RUVBL2: variants seen among roughly 807,000 people sequenced by gnomAD.
RUVBL2 encodes the protein RuvB like AAA ATPase 2, also known as ruvB-like 2.
RUVBL2 carries 9 observed loss-of-function variants against 57.9 expected under a neutral mutation model. That is an observed-to-expected ratio of 0.16 (90% CI 0.09 to 0.27). The LOEUF (loss-of-function observed/expected upper bound fraction) is 0.27, where lower values mean the gene tolerates loss of function less well. Among genes scored for constraint, RUVBL2 ranks in the 10% least tolerant of loss-of-function variants. The pLI is 1.00. For synonymous variants in RUVBL2, 278 were observed against 264.6 expected (o/e 1.05, Z -0.49); for missense variants, 456 against 669.6 (o/e 0.68, Z 3.52).
In RUVBL2 at chr19:49,015,559, C is replaced by T; in HGVS notation, c.1252-13C>T. On this transcript the variant is annotated splice_polypyrimidine_tract_variant and intron_variant, in intron 13 of 14. Coordinates refer to ENST00000595090, the MANE Select transcript of RUVBL2 (RefSeq NM_006666.3). ...GAGAGGGGCCCAACTGAGGACTCGC[C>T]CTCCCCCTCCAGGGTACAGAAGTGC... 2 of 1,602,800 alleles carry T rather than the reference C, an allele frequency of 1.2e-6. No homozygotes were observed. The highest frequency in any genetic ancestry group is 8.5e-7 in the Non-Finnish European group (1 of 1,169,956).
rs1184849160 is a variant in RUVBL2, at chr19:49,007,338, G to A, written c.432G>A (p.Glu144=). 2 of 1,614,078 alleles carry A rather than the reference G, an allele frequency of 1.2e-6. No homozygotes were observed. Among genetic ancestry groups the A allele is most frequent in the African/African-American group, 1.3e-5 (1 of 75,068 alleles). The change falls in exon 6 of 15, where the codon GAG becomes GAA. Residue 144 remains glutamate, a synonymous_variant. Coordinates refer to ENST00000595090, the MANE Select transcript of RUVBL2 (RefSeq NM_006666.3). ...ETEIIEGEVV[E]IQIDRPATGT... ...AGATCATCGAAGGGGAGGTGGTGGA[G>A]ATCCAGATTGATCGACCAGCAACAG...
At chr19:48,996,502 C>CTGTGTGTG (rs72341497) in intron 1 of RUVBL2, among the ~76,000 whole-genome samples, 4,572 of 138,184 alleles carry the variant, frequency 0.033, 207 homozygotes, top group African/African-American at 0.11. Flanking sequence ...ATTTTTGTAT[C>CTGTGTGTG]TGTGTGTGTG....
At chr19:48,993,730 C>A (rs1371868530), upstream of RUVBL2, 3 of 731,992 alleles carry the variant, frequency 4.1e-6, no homozygotes, top group Non-Finnish European at 4.6e-6. Flanking sequence ...TCCGGACGCC[C>A]GTCTTCCAGC....
chr19:49,006,883 G>A (rs539420139), intron 4 of RUVBL2, 135 bp from the exon 5 acceptor site: 10 of 1,180,724 alleles, frequency 8.5e-6, no homozygotes, highest in East Asian at 4.9e-5. Flanking sequence ...TGCTCAGCTC[G>A]GAGCCAAGTC....
In RUVBL2 at chr19:49,007,302, G is replaced by C. The variant is rs1294164606; in HGVS notation, c.396G>C (p.Lys132Asn). ...CTCCTCAGATCTGCTCTCTGGCTAG[G>C]GAGGAGACGGAGATCATCGAAGGGG... ...AFRRSIGVRI[K>N]EETEIIEGEV... Residue 132 changes from lysine (K) to asparagine (N), a missense_variant and splice_region_variant, in exon 6 of 15, where the codon AAG (lysine) becomes AAC (asparagine). Transcript: ENST00000595090. The C allele has an allele frequency of 6.2e-7, 1 of 1,613,736 alleles. No individual in the cohort carries two copies. The highest frequency in any genetic ancestry group is 8.5e-7 in the Non-Finnish European group (1 of 1,179,908).
rs569650005 is a variant in RUVBL2, at chr19:49,012,000, G to A, written c.1001+690G>A. Among the ~76,000 whole-genome samples the A allele has an allele frequency of 2.6e-4, 39 of 152,250 alleles. No homozygotes were observed. Among genetic ancestry groups the A allele is most frequent in the African/African-American group, 8.4e-4 (35 of 41,552 alleles). Reference sequence around the variant, plus strand: ...GCCCGCTGGCTGTCTTCTCCACCTCGCCACATTTTGGCCCGCAGGAAGCAG... The same window carrying A: ...GCCCGCTGGCTGTCTTCTCCACCTCACCACATTTTGGCCCGCAGGAAGCAG... On this transcript the variant is annotated intron_variant, in intron 11 of 14. Coordinates refer to ENST00000595090, the MANE Select transcript of RUVBL2 (RefSeq NM_006666.3). This position sits in a 1 kb window ranked among gnomAD's most constrained non-coding sequence, Gnocchi z 4.4.
chr19:49,008,750 G>C (rs924221063), intron 6 of RUVBL2, among the ~76,000 whole-genome samples: 4 of 151,952 alleles, frequency 2.6e-5, no homozygotes, highest in African/African-American at 9.7e-5. Context: ...GGCCGAGGCG[G>C]GTGGATCACC....
chr19:48,999,069 A>G (rs544126584), intron 1 of RUVBL2, among the ~76,000 whole-genome samples: 2 of 152,218 alleles, frequency 1.3e-5, no homozygotes, highest in South Asian at 4.1e-4. Flanking sequence ...TCATTCACCA[A>G]ATAACCAAAT....
At chr19:49,003,182 C>T (rs1375033485) in intron 2 of RUVBL2, 97 bp from the exon 3 acceptor site, 24 of 953,018 alleles carry the variant, frequency 2.5e-5, no homozygotes, top group Non-Finnish European at 4.0e-5. Context: ...TCCCACCCAC[C>T]CCTTTGACAA....
At position 49,010,483 on chromosome 19, in the gene RUVBL2, C is replaced by CCCCCACCAAA; in HGVS notation, c.664-5_664-4insCCCCACCAAA. On this transcript the variant is annotated splice_polypyrimidine_tract_variant and splice_region_variant and intron_variant, in intron 8 of 14. Transcript: ENST00000595090. ...CGCCGTTCTTCCCCCACCCCCGCCCCATAGACCAAGTTCGTGCAGTGCCCA... is the reference window on the plus strand; with the variant it reads ...CGCCGTTCTTCCCCCACCCCCGCCCCCCCCACCAAAATAGACCAAGTTCGTGCAGTGCCCA... 6.3e-7 allele frequency: 1 copy of CCCCCACCAAA among 1,575,998 alleles called. No homozygotes were observed. Among genetic ancestry groups the CCCCCACCAAA allele is most frequent in the Non-Finnish European group, 8.7e-7 (1 of 1,148,124 alleles).
chr19:48,993,558 A>C (rs2038987350), upstream of RUVBL2: 3 of 460,558 alleles, frequency 6.5e-6, no homozygotes, highest in Non-Finnish European at 1.2e-5. Flanking sequence ...GAGGCCTCAA[A>C]GTGGGGAGGA....
Position 49,015,000 on chromosome 19 carries a change from CCT to C in RUVBL2, c.1122-20_1122-19del, listed in dbSNP as rs764322033. 35 of 1,583,060 alleles carry C rather than the reference CCT, an allele frequency of 2.2e-5. No homozygotes were observed. Among genetic ancestry groups the C allele is most frequent in the East Asian group, 4.7e-5 (2 of 42,704 alleles). ...GAGGCTGGGCCCCGGCTGAGCCACC[CCT>C]GTCCCCCACTGCTTGCAGGTGCGAG... On this transcript the variant is annotated intron_variant, in intron 12 of 14. Coordinates refer to ENST00000595090, the MANE Select transcript of RUVBL2 (RefSeq NM_006666.3).
At chr19:49,008,153 G>A (rs1311429424) in intron 6 of RUVBL2, among the ~76,000 whole-genome samples, 1 of 150,888 alleles carries the variant, frequency 6.6e-6, no homozygotes, top group Non-Finnish European at 1.5e-5. Context: ...AATTTTGCGA[G>A]ACCTCGGGCC....
intron 8 of RUVBL2, 21 bp from the exon 9 acceptor site, chr19:49,010,467 T>TTGG: frequency 1.4e-6 from 2 of 1,401,208 alleles, no homozygotes; most frequent in Non-Finnish European, 2.0e-6. Context: ...CCGCCGTTCT[T>TTGG]CCCCCACCCC....
At chr19:49,010,900 C>A in intron 9 of RUVBL2, 99 bp from the exon 10 acceptor site, 1 of 1,108,182 alleles carries the variant, frequency 9.0e-7, no homozygotes, top group South Asian at 1.4e-5. Flanking sequence ...TGCTCCCCTT[C>A]CTCCATCCCT....
intron 4 of RUVBL2, among the ~76,000 whole-genome samples, chr19:49,004,643 C>T (rs2039249129): frequency 1.3e-5 from 2 of 152,136 alleles, no homozygotes; most frequent in African/African-American, 4.8e-5. Flanking sequence ...ATCCTCTGCA[C>T]TTGGTTCCAG....
At chr19:49,003,186 TTG>T in intron 2 of RUVBL2, 91 bp from the exon 3 acceptor site, 1 of 938,250 alleles carries the variant, frequency 1.1e-6, no homozygotes, top group Non-Finnish European at 1.7e-6. Flanking sequence ...ACCCACCCCT[TTG>T]ACAAAGAAGG....
intron 1 of RUVBL2, among the ~76,000 whole-genome samples, chr19:48,998,976 G>A (rs546312923): frequency 6.6e-5 from 10 of 151,994 alleles, no homozygotes; most frequent in African/African-American, 2.2e-4. Context: ...GCAGTGAGCC[G>A]AGATTGGGCC....
intron 2 of RUVBL2, 75 bp downstream of exon 2, chr19:48,999,448 C>A: frequency 6.7e-7 from 1 of 1,484,956 alleles, no homozygotes; most frequent in Non-Finnish European, 9.4e-7. Flanking sequence ...CTATTGAGGA[C>A]CCCTAAGATG....
Sources: allele counts gnomAD v4.1 joint callset (sites outside exome capture counted in the v4.1 genomes callset), GRCh38; gene constraint gnomAD v4.1.1; non-coding constraint Gnocchi (gnomAD v3.1); transcripts MANE v1.5; gene names NCBI Gene and HGNC (gene_info 2026-07-23, HGNC 2026-07-21).